The following ERP44 variants were observed in gnomAD, a reference collection of about 807,000 sequenced individuals.
ERP44 encodes endoplasmic reticulum resident protein 44.
A neutral mutation model predicts 53.4 loss-of-function variants in ERP44; 25 were observed. That is an observed-to-expected ratio of 0.47 (90% CI 0.34 to 0.65). The LOEUF is 0.65. Ranked by LOEUF, ERP44 falls within the 30% of genes least tolerant of loss-of-function variation. ERP44 has a pLI of 0.01. For missense variants in ERP44, 338 were observed against 493.2 expected (o/e 0.69, Z 2.98); for synonymous variants, 145 against 161.2 (o/e 0.90, Z 0.76).
At chr9:100,006,360 A>C (rs1830425328) in intron 10 of ERP44, 146 bp downstream of exon 10, 2 of 606,770 alleles carry the variant, frequency 3.3e-6, no homozygotes, top group Non-Finnish European at 5.7e-6. Flanking sequence ...TAGTGAAAAA[A>C]AGCAGCAGTC....
intron 4 of ERP44, among the ~76,000 whole-genome samples, chr9:100,034,327 A>C (rs1587969673): frequency 6.6e-6 from 1 of 152,344 alleles, no homozygotes; most frequent in Middle Eastern, 3.4e-3. Context: ...GCACCATGAC[A>C]GTTTACAAAT....
intron 10 of ERP44, among the ~76,000 whole-genome samples, chr9:100,001,647 T>G (rs1364015091): frequency 6.6e-6 from 1 of 152,194 alleles, no homozygotes; most frequent in African/African-American, 2.4e-5. Flanking sequence ...TGCCCTCTTT[T>G]GGTTTCCATA....
At chr9:100,064,609 TGTTCTTTGGTAC>T (rs1826190004) in intron 1 of ERP44, among the ~76,000 whole-genome samples, 1 of 152,200 alleles carries the variant, frequency 6.6e-6, no homozygotes, top group Non-Finnish European at 1.5e-5. Context: ...TTCCCCCAGC[TGTTCTTTGGTAC>T]GATTTCCAGG....
chr9:100,057,693 T>G (rs1184636768), intron 3 of ERP44, 127 bp downstream of exon 3: 11 of 700,638 alleles, frequency 1.6e-5, no homozygotes, highest in Non-Finnish European at 2.0e-5. Context: ...TGGATGAAAC[T>G]TAATTGACTT....
At chr9:100,021,991 T>C (rs779961071) in intron 5 of ERP44, 51 bp downstream of exon 5, 1 of 1,515,310 alleles carries the variant, frequency 6.6e-7, no homozygotes, top group South Asian at 1.2e-5. Flanking sequence ...TTAGAATTTG[T>C]TTACATTAAT....
chr9:100,043,760 GAA>G (rs905786710), intron 4 of ERP44, among the ~76,000 whole-genome samples: 1 of 138,414 alleles, frequency 7.2e-6, no homozygotes. Context: ...GTCTCAAACA[GAA>G]AAAAAAAAAA....
intron 10 of ERP44, among the ~76,000 whole-genome samples, chr9:99,995,920 CTTTT>C (rs34632626): frequency 4.9e-5 from 6 of 121,408 alleles, no homozygotes; most frequent in South Asian, 2.6e-4. Context: ...TAGGGTAGTT[CTTTT>C]TTTTTTTTTT....
At chr9:100,081,483 A>G (rs1343655789) in intron 1 of ERP44, among the ~76,000 whole-genome samples, 3 of 152,144 alleles carry the variant, frequency 2.0e-5, no homozygotes, top group East Asian at 3.8e-4. Context: ...TCTGTAACAT[A>G]AATTTTAATT....
intron 1 of ERP44, among the ~76,000 whole-genome samples, chr9:100,074,772 G>A (rs1293025385): frequency 2.6e-5 from 4 of 152,154 alleles, no homozygotes; most frequent in Non-Finnish European, 5.9e-5. Context: ...TGATTCCAGG[G>A]GACCCAAAAT....
At chr9:100,073,580 C>T (rs534779472) in intron 1 of ERP44, among the ~76,000 whole-genome samples, 9 of 152,276 alleles carry the variant, frequency 5.9e-5, no homozygotes, top group South Asian at 2.1e-4. Context: ...GATGTGGAGA[C>T]GCCTTCTTTC....
intron 1 of ERP44, among the ~76,000 whole-genome samples, chr9:100,087,824 T>C (rs1161199136): frequency 6.6e-6 from 1 of 152,106 alleles, no homozygotes; most frequent in East Asian, 1.9e-4. Context: ...ACATTACTAT[T>C]AAAAATCCAT....
intron 10 of ERP44, among the ~76,000 whole-genome samples, chr9:99,993,132 G>A (rs1468365651): frequency 3.9e-5 from 6 of 152,214 alleles, no homozygotes; most frequent in South Asian, 4.2e-4. Flanking sequence ...CAAGCTACCA[G>A]TGACTTTCTT....
In ERP44 at chr9:100,006,617, T is replaced by C; in HGVS notation, c.905A>G (p.Asp302Gly). The C allele has an allele frequency of 6.2e-7, 1 of 1,604,892 alleles. No homozygotes were observed. The change falls in exon 10 of 12, where the codon GAC (aspartate) becomes GGC (glycine). Residue 302 changes from aspartate (D) to glycine (G), a missense_variant. Asp to Gly is a moderately conservative substitution (Grantham distance 94). Transcript: ENST00000262455. ...GTINFLHADCDKFRHPLLHIQ... is the reference protein window; with the variant it reads ...GTINFLHADCGKFRHPLLHIQ... ...GTGCAGAAGAGGATGTCTAAATTTGTCACAATCGGCATGTAAAAAGTTTAT... is the reference window on the plus strand; with the variant it reads ...GTGCAGAAGAGGATGTCTAAATTTGCCACAATCGGCATGTAAAAAGTTTAT...
rs34632626 is a variant in ERP44, at chr9:99,995,920, C to CTTTTTTTTTTT, written c.1016+10575_1016+10585dup. Among the ~76,000 whole-genome samples the CTTTTTTTTTTT allele has an allele frequency of 1.6e-4, 20 of 121,436 alleles. 1 individual carries two copies. The highest frequency in any genetic ancestry group is 2.4e-4 in the Non-Finnish European group (14 of 58,138). The allele number at this position is 121,436 out of a possible 152,430, so 79.7% of individuals were successfully genotyped here. A position where few individuals can be genotyped will look rare whatever the true frequency, so the allele number is the denominator to read the frequency against. ...GGGATTGCTGGATCATAGGGTAGTT[C>CTTTTTTTTTTT]TTTTTTTTTTTTTTTTTTTTTATTT... On this transcript the variant is annotated intron_variant, in intron 10 of 11. Transcript: ENST00000262455.
Position 100,059,989 on chromosome 9 carries a change from C to A in ERP44, c.130+111G>T, listed in dbSNP as rs538356466. ...GTCATGGAATTAATCAGAATGCCAG[C>A]TCTTCATCTGTGCTAGCTAACTGAG... On this transcript the variant is annotated intron_variant, in intron 2 of 11. Transcript: ENST00000262455. 1.6e-4 allele frequency: 138 copies of A among 881,628 alleles called. No homozygotes were observed. In the African/African-American group the frequency reaches 2.2e-3, roughly 14 times the overall value. The allele number at this position is 881,628 out of a possible 1,614,324, so 54.6% of individuals were successfully genotyped here.
At chr9:100,018,163 A>G (rs547029709) in intron 7 of ERP44, 93 bp downstream of exon 7, 2 of 830,958 alleles carry the variant, frequency 2.4e-6, no homozygotes, top group African/African-American at 1.7e-5. Flanking sequence ...CTAAAGTTCT[A>G]TTAGTCTATG....
chr9:100,052,656 T>C, intron 3 of ERP44, 124 bp from the exon 4 acceptor site: 1 of 514,166 alleles, frequency 1.9e-6, no homozygotes. Context: ...ATCACACACT[T>C]AATTTAATCA....
rs1276092707 is a variant in ERP44 at position 99,980,944 on chromosome 9, C to G, written c.*1668G>C. 6.6e-6 allele frequency: 1 copy of G among 152,146 alleles called. No individual in the cohort carries two copies. Among genetic ancestry groups the G allele is most frequent in the Non-Finnish European group, 1.5e-5 (1 of 68,018 alleles). 9.4% of individuals were successfully genotyped at this position (152,146 alleles called of 1,614,324 possible). Reference sequence around the variant, plus strand: ...TTGTATCTTTTGTTGATTATTTTTTCAAACCCAGTTACAGGATTACTATAT... The same window carrying G: ...TTGTATCTTTTGTTGATTATTTTTTGAAACCCAGTTACAGGATTACTATAT... On this transcript the variant is annotated 3_prime_UTR_variant, in exon 12 of 12. Transcript: ENST00000262455.
intron 1 of ERP44, among the ~76,000 whole-genome samples, chr9:100,097,580 A>T (rs886466047): frequency 4.6e-5 from 7 of 152,230 alleles, no homozygotes; most frequent in African/African-American, 1.7e-4. Flanking sequence ...TATACTTATA[A>T]GAAGTGGCAA....
Sources: allele counts gnomAD v4.1 joint callset (sites outside exome capture counted in the v4.1 genomes callset), GRCh38; gene constraint gnomAD v4.1.1; transcripts MANE v1.5; gene names NCBI Gene and HGNC (gene_info 2026-07-23, HGNC 2026-07-21).